Variants in LUC7L2 observed in about 807,000 individuals in gnomAD.
LUC7L2 encodes the protein LUC7 like 2, pre-mRNA splicing factor.
Under a neutral mutation model 52.8 loss-of-function variants are expected in LUC7L2, and 25 were observed. The ratio of observed to expected loss-of-function variants is 0.47; its 90% CI spans 0.34 to 0.66. LUC7L2 has a LOEUF of 0.66. LUC7L2 is among the 30% of genes least tolerant of loss of function. LUC7L2 has a pLI of 0.01. For synonymous variants in LUC7L2, 144 were observed against 160.9 expected (o/e 0.89, Z 0.80); for missense variants, 328 against 497.8 (o/e 0.66, Z 3.25).
exon 1 of LUC7L2, chr7:139,340,505 T>G (rs1798880606): frequency 5.0e-6 from 2 of 398,544 alleles, no homozygotes; most frequent in Non-Finnish European, 8.8e-6. Flanking sequence ...GGAGCATCGG[T>G]GCAGTTTCGA....
chr7:139,346,651 C>T (rs551634761), intron 1 of LUC7L2, among the ~76,000 whole-genome samples: 154 of 152,236 alleles, frequency 1.0e-3, no homozygotes, highest in Non-Finnish European at 1.8e-3. Flanking sequence ...ACGAGAGACT[C>T]TCTACTAGAG....
At chr7:139,420,142 T>TCAAA (rs889606234) in intron 9 of LUC7L2, among the ~76,000 whole-genome samples, 9 of 152,262 alleles carry the variant, frequency 5.9e-5, no homozygotes, top group Non-Finnish European at 1.0e-4. Context: ...TTTGCTCTGT[T>TCAAA]CAAACATGTT....
intron 1 of LUC7L2, among the ~76,000 whole-genome samples, chr7:139,373,080 T>G (rs1405452623): frequency 2.0e-5 from 3 of 152,226 alleles, no homozygotes; most frequent in Non-Finnish European, 2.9e-5. Context: ...TTTGCAGTTC[T>G]TTCTTCTTTT....
intron 2 of LUC7L2, among the ~76,000 whole-genome samples, chr7:139,396,054 G>A (rs567874323): frequency 6.6e-6 from 1 of 152,246 alleles, no homozygotes; most frequent in East Asian, 1.9e-4. Context: ...CTAATAAAAT[G>A]GTTGTCAAAA....
Position 139,375,296 on chromosome 7 carries a change from G to A in LUC7L2, c.62-766G>A, listed in dbSNP as rs556208570. The A allele has an allele frequency of 1.9e-5, 19 of 985,348 alleles. No homozygotes were observed. The South Asian group carries it at 8.9e-4, about 46-fold the overall frequency. The allele number at this position is 985,348 out of a possible 1,614,324, so 61.0% of individuals were successfully genotyped here. A position where few individuals can be genotyped will look rare whatever the true frequency, so the allele number is the denominator to read the frequency against. ...GTTGCTTAGGAGGTAGGTGTATTGT[G>A]TTATATGAAGACAGAATGAATTTAA... is the stretch of plus-strand genomic sequence containing the variant. On this transcript the variant is annotated intron_variant, in intron 1 of 9. Transcript: ENST00000354926.
chr7:139,390,879 A>G (rs755831603), intron 2 of LUC7L2, among the ~76,000 whole-genome samples: 1 of 152,198 alleles, frequency 6.6e-6, no homozygotes, highest in African/African-American at 2.4e-5. Flanking sequence ...TTTTAAGTAC[A>G]GGAGAATAAA....
chr7:139,415,434 C>T (rs1196508225), intron 8 of LUC7L2, among the ~76,000 whole-genome samples: 1 of 151,930 alleles, frequency 6.6e-6, no homozygotes, highest in Non-Finnish European at 1.5e-5. Flanking sequence ...TAAAGTTATA[C>T]ATTGGAAGAA....
chr7:139,361,172 C>G (rs1799863201), intron 1 of LUC7L2, among the ~76,000 whole-genome samples: 1 of 152,134 alleles, frequency 6.6e-6, no homozygotes, highest in South Asian at 2.1e-4. Context: ...AATGCTGTTG[C>G]TTTTTTGGTG....
In LUC7L2 at chr7:139,402,251, A is replaced by C; in HGVS notation, c.366+4A>C. ...TAGTGCTGAAGTAGCAGCAAAGGTA[A>C]GAATTTTAATCATTTCATTAGTACA... On this transcript the variant is annotated splice_donor_region_variant and intron_variant, in intron 4 of 9. Coordinates refer to ENST00000354926, the MANE Select transcript of LUC7L2 (RefSeq NM_016019.5). 1 of 1,587,782 alleles carries C rather than the reference A, an allele frequency of 6.3e-7. No homozygotes were observed. The highest frequency in any genetic ancestry group is 1.2e-5 in the South Asian group (1 of 85,522).
At chr7:139,381,671 G>A (rs1349298059) in intron 2 of LUC7L2, among the ~76,000 whole-genome samples, 1 of 151,668 alleles carries the variant, frequency 6.6e-6, no homozygotes, top group East Asian at 1.9e-4. Context: ...CCCACTCCCG[G>A]GTTCAAGTGA....
chr7:139,362,289 A>G (rs566663549), intron 1 of LUC7L2, among the ~76,000 whole-genome samples: 3 of 152,278 alleles, frequency 2.0e-5, no homozygotes, highest in African/African-American at 7.2e-5. Flanking sequence ...AATTAATTCT[A>G]TATATGCAAA....
chr7:139,389,825 A>G (rs903706302), intron 2 of LUC7L2, among the ~76,000 whole-genome samples: 1 of 152,202 alleles, frequency 6.6e-6, no homozygotes, highest in African/African-American at 2.4e-5. Flanking sequence ...ATTGCAATCA[A>G]TATGCAAAAA....
intron 8 of LUC7L2, among the ~76,000 whole-genome samples, chr7:139,413,755 G>GT (rs1213119130): frequency 6.6e-6 from 1 of 152,152 alleles, no homozygotes; most frequent in Non-Finnish European, 1.5e-5. Context: ...TCCAGCTTGG[G>GT]TGACAGAGTA....
At chr7:139,375,599 A>G (rs1800666947) in intron 1 of LUC7L2, 4 of 986,040 alleles carry the variant, frequency 4.1e-6, no homozygotes, top group Non-Finnish European at 3.6e-6. Flanking sequence ...CAATGTTTGC[A>G]AGATTATTTT....
intron 7 of LUC7L2, among the ~76,000 whole-genome samples, chr7:139,411,944 T>A (rs778830676): frequency 2.6e-5 from 4 of 152,066 alleles, no homozygotes; most frequent in Non-Finnish European, 5.9e-5. Flanking sequence ...GATATGTAGG[T>A]TGAGCATCCC....
rs1333223333 is a variant in LUC7L2, at chr7:139,381,717, C to T, written c.156+5561C>T. Among the ~76,000 whole-genome samples the T allele has an allele frequency of 2.6e-5, 4 of 151,720 alleles. No homozygotes were observed. In the East Asian group the frequency reaches 5.8e-4, roughly 22 times the overall value. On this transcript the variant is annotated intron_variant, in intron 2 of 9. Coordinates refer to ENST00000354926, the MANE Select transcript of LUC7L2 (RefSeq NM_016019.5). Reference sequence around the variant, plus strand: ...CCAGCCTCCCAAGTAGCTGAGATTACAGACACACGCCACCATGCCTGCCTA... The same window carrying T: ...CCAGCCTCCCAAGTAGCTGAGATTATAGACACACGCCACCATGCCTGCCTA...
chr7:139,350,146 G>C lies in LUC7L2; in HGVS notation c.-26+9629G>C, dbSNP rs1380762326. Among the ~76,000 whole-genome samples the C allele has an allele frequency of 2.6e-5, 4 of 151,996 alleles. No individual in the cohort carries two copies. In the South Asian group the frequency reaches 8.3e-4, roughly 32 times the overall value. On this transcript the variant is annotated intron_variant, in intron 1 of 10. Transcript: ENST00000541170. ...ACCTTATCTTTTTTTTTTTGAGACG[G>C]AGTCTCGCTCTGTGGCCCAGGCTGG...
Position 139,360,204 on chromosome 7 carries a change from G to A in LUC7L2, c.-58G>A, listed in dbSNP as rs910659483. 5.4e-6 allele frequency: 7 copies of A among 1,293,410 alleles called. No homozygotes were observed. The highest frequency in any genetic ancestry group is 2.6e-4 in the Middle Eastern group (1 of 3,870). The allele number at this position is 1,293,410 out of a possible 1,614,324, so 80.1% of individuals were successfully genotyped here. On this transcript the variant is annotated 5_prime_UTR_variant, in exon 1 of 10. Coordinates refer to ENST00000354926, the MANE Select transcript of LUC7L2 (RefSeq NM_016019.5). ...CCCCATCCCTTCCCCTTATCCCCCA[G>A]CCCAAAAGGGCCCGGTCTGCGCCCC...
intron 3 of LUC7L2, among the ~76,000 whole-genome samples, chr7:139,400,140 G>A (rs1416311638): frequency 1.5e-5 from 1 of 66,446 alleles, no homozygotes; most frequent in Admixed American, 1.2e-4. Flanking sequence ...TTGGCCTTGC[G>A]GGGGTATTTT....
Sources: allele counts gnomAD v4.1 joint callset (sites outside exome capture counted in the v4.1 genomes callset), GRCh38; gene constraint gnomAD v4.1.1; transcripts MANE v1.5; gene names NCBI Gene and HGNC (gene_info 2026-07-23, HGNC 2026-07-21).